The following CAMK2D variants were observed in gnomAD, a reference collection of about 807,000 sequenced individuals.
CAMK2D encodes the protein calcium/calmodulin-dependent protein kinase type II subunit delta.
In CAMK2D, 37 loss-of-function variants were observed where a neutral mutation model predicts 84.0. That is an observed-to-expected ratio of 0.44 (90% CI 0.34 to 0.58). The LOEUF is 0.58. CAMK2D is among the 20% of genes least tolerant of loss of function. The pLI is 0.02. For missense variants in CAMK2D, 448 were observed against 652.5 expected, an observed-to-expected ratio of 0.69 and a Z score of 3.41; for synonymous variants, 202 against 212.5, an observed-to-expected ratio of 0.95 and a Z score of 0.43.
At chr4:113,566,505 A>G (rs867111292) in intron 4 of CAMK2D, among the ~76,000 whole-genome samples, 17 of 152,186 alleles carry the variant, frequency 1.1e-4, no homozygotes, top group African/African-American at 4.1e-4. Context: ...GGATTATTTC[A>G]TATTTCCGAT....
chr4:113,525,884 C>T (rs937510807), intron 8 of CAMK2D, among the ~76,000 whole-genome samples: 24 of 152,190 alleles, frequency 1.6e-4, no homozygotes, highest in African/African-American at 5.1e-4. Flanking sequence ...TAATGAATGG[C>T]TAAAAAAGAG....
chr4:113,659,360 G>A (rs6533706), intron 3 of CAMK2D, among the ~76,000 whole-genome samples: 33,219 of 152,088 alleles, frequency 0.22, 6,679 homozygotes, highest in African/African-American at 0.53. Flanking sequence ...AGCCAATGTT[G>A]TGGGCAAATG....
chr4:113,616,999 T>C (rs2099023859), intron 3 of CAMK2D, among the ~76,000 whole-genome samples: 1 of 152,288 alleles, frequency 6.6e-6, no homozygotes, highest in Admixed American at 6.5e-5. Context: ...TAGTCATTTA[T>C]ATAGAAAAAT....
intron 2 of CAMK2D, among the ~76,000 whole-genome samples, chr4:113,665,322 C>A (rs1219096486): frequency 6.6e-6 from 1 of 152,146 alleles, no homozygotes; most frequent in Non-Finnish European, 1.5e-5. Context: ...AAATGCATAT[C>A]ACCTGGTATG....
intron 13 of CAMK2D, among the ~76,000 whole-genome samples, chr4:113,507,907 T>TA (rs1368778689): frequency 1.3e-5 from 2 of 151,546 alleles, no homozygotes; most frequent in South Asian, 2.1e-4. Flanking sequence ...TAAAGAACAT[T>TA]AAAAAAAACA....
intron 16 of CAMK2D, among the ~76,000 whole-genome samples, chr4:113,488,659 A>G (rs2097789742): frequency 6.6e-6 from 1 of 152,206 alleles, no homozygotes; most frequent in African/African-American, 2.4e-5. Context: ...GTTTTTTATA[A>G]AACAATGCTA....
chr4:113,609,218 T>TA lies in CAMK2D; in HGVS notation c.221-13dup. 1 of 1,518,048 alleles carries TA rather than the reference T, an allele frequency of 6.6e-7. No homozygotes were observed. The highest frequency in any genetic ancestry group is 9.1e-7 in the Non-Finnish European group (1 of 1,092,966). The allele number at this position is 1,518,048 out of a possible 1,614,324, so 94.0% of individuals were successfully genotyped here. ...ATCATGAAGTCGCACTAGAAAAAAA[T>TA]AAGAGAAGAAAAATTGTGTTATACC... On this transcript the variant is annotated splice_polypyrimidine_tract_variant and intron_variant, in intron 3 of 20. Coordinates refer to ENST00000511664, the MANE Select transcript of CAMK2D (RefSeq NM_001321571.2).
At chr4:113,514,429 C>A (rs373614692) in intron 10 of CAMK2D, among the ~76,000 whole-genome samples, 27 of 151,592 alleles carry the variant, frequency 1.8e-4, no homozygotes, top group African/African-American at 6.1e-4. Flanking sequence ...AAAACAAAAC[C>A]AAACCAGAAA....
At chr4:113,598,143 G>A (rs2098935816) in intron 4 of CAMK2D, among the ~76,000 whole-genome samples, 1 of 152,146 alleles carries the variant, frequency 6.6e-6, no homozygotes, top group Admixed American at 6.6e-5. Flanking sequence ...TTACCATAAA[G>A]CTACAGCAAT....
At chr4:113,759,631 A>C (rs2099636185) in intron 1 of CAMK2D, among the ~76,000 whole-genome samples, 1 of 152,242 alleles carries the variant, frequency 6.6e-6, no homozygotes, top group Non-Finnish European at 1.5e-5. Context: ...ATTAATCAAC[A>C]AAATGAAAGG....
chr4:113,697,811 T>C (rs1183162164), intron 2 of CAMK2D, among the ~76,000 whole-genome samples: 2 of 152,074 alleles, frequency 1.3e-5, no homozygotes, highest in Non-Finnish European at 2.9e-5. Context: ...ATTTTCTCCT[T>C]GAATTAAACT....
Position 113,460,797 on chromosome 4 carries a change from C to T in CAMK2D, c.1212-556G>A, listed in dbSNP as rs1024161278. Reference sequence around the variant, plus strand: ...ACCTTCCAGACTCAAGCAATCCTCCCGGCTTAGCCTCCCTAGTAGCTGGGA... The same window carrying T: ...ACCTTCCAGACTCAAGCAATCCTCCTGGCTTAGCCTCCCTAGTAGCTGGGA... On this transcript the variant is annotated intron_variant, in intron 17 of 20. Transcript: ENST00000511664. Among the ~76,000 whole-genome samples the T allele has an allele frequency of 9.2e-5, 14 of 152,112 alleles. No individual in the cohort carries two copies. In the Middle Eastern group the frequency reaches 0.01, roughly 111 times the overall value.
chr4:113,546,154 A>T (rs192111182), intron 6 of CAMK2D, among the ~76,000 whole-genome samples: 1 of 152,346 alleles, frequency 6.6e-6, no homozygotes, highest in East Asian at 1.9e-4. Flanking sequence ...TTCAAATAAT[A>T]AATTTATAGA....
intron 3 of CAMK2D, among the ~76,000 whole-genome samples, chr4:113,631,214 G>T (rs556482962): frequency 6.6e-6 from 1 of 152,010 alleles, no homozygotes; most frequent in Non-Finnish European, 1.5e-5. Context: ...GCAGAGAATG[G>T]TTCAGCTGAG....
intron 3 of CAMK2D, among the ~76,000 whole-genome samples, chr4:113,626,584 T>C (rs371662421): frequency 6.6e-6 from 1 of 152,208 alleles, no homozygotes; most frequent in South Asian, 2.1e-4. Flanking sequence ...TTTCAGAGAA[T>C]GGATAGCCCA....
intron 4 of CAMK2D, among the ~76,000 whole-genome samples, chr4:113,587,115 C>T (rs1445362594): frequency 6.6e-6 from 1 of 152,128 alleles, no homozygotes; most frequent in Non-Finnish European, 1.5e-5. Context: ...CCTAGCACAG[C>T]CACTTACTCT....
chr4:113,675,863 G>A (rs2099316193), intron 2 of CAMK2D, among the ~76,000 whole-genome samples: 1 of 152,078 alleles, frequency 6.6e-6, no homozygotes, highest in Admixed American at 6.6e-5. Flanking sequence ...ACTTGTCTTT[G>A]GGTAAGCCAA....
intron 2 of CAMK2D, among the ~76,000 whole-genome samples, chr4:113,711,702 T>C (rs943828159): frequency 6.6e-6 from 1 of 152,162 alleles, no homozygotes; most frequent in Non-Finnish European, 1.5e-5. Context: ...AAATGGACCC[T>C]ACATTTAACT....
chr4:113,478,916 G>A (rs2097664563), intron 16 of CAMK2D, among the ~76,000 whole-genome samples: 1 of 151,934 alleles, frequency 6.6e-6, no homozygotes, highest in South Asian at 2.1e-4. Context: ...ACACATAATG[G>A]TATAAGTTTT....
Sources: gnomAD v4.1 joint callset for allele counts (sites outside exome capture counted in the v4.1 genomes callset) on GRCh38, gnomAD v4.1.1 for gene constraint, MANE v1.5 for transcripts, NCBI Gene and HGNC (gene_info 2026-07-23, HGNC 2026-07-21) for gene names.